The following SMG7 variants were observed in gnomAD, a reference collection of about 807,000 sequenced individuals.
The protein encoded by SMG7 is nonsense-mediated mRNA decay factor SMG7.
Under a neutral mutation model 148.2 loss-of-function variants are expected in SMG7, and 34 were observed. That is an observed-to-expected ratio of 0.23 (90% CI 0.17 to 0.31). SMG7 has a LOEUF of 0.31. Among genes scored for constraint, SMG7 ranks in the 10% least tolerant of loss-of-function variants. The pLI is 1.00. For synonymous variants in SMG7, 492 were observed against 515.1 expected (o/e 0.96, Z 0.61); for missense variants, 1,114 against 1,408.4 (o/e 0.79, Z 3.35).
chr1:183,475,654 T>G (rs1651977577), intron 1 of SMG7, among the ~76,000 whole-genome samples: 1 of 152,222 alleles, frequency 6.6e-6, no homozygotes, highest in African/African-American at 2.4e-5. Context: ...TTACAAAAGA[T>G]TCCCTTTGGG....
chr1:183,526,726 C>CT lies in SMG7; in HGVS notation c.443_444insT (p.Tyr149LeufsTer28). 1 of 1,613,606 alleles carries CT rather than the reference C, an allele frequency of 6.2e-7. No individual in the cohort carries two copies. Among genetic ancestry groups the CT allele is most frequent in the Non-Finnish European group, 8.5e-7 (1 of 1,179,710 alleles). ...GTGAAGCCACAGTCTAGCTCCTGTT[C>CT]CTATATCTGCCAGCACTGCCTCGTC... On this transcript the variant is annotated frameshift_variant, in exon 5 of 23. Coordinates refer to ENST00000688051, the MANE Select transcript of SMG7 (RefSeq NM_001375584.1). LOFTEE classifies it high-confidence loss of function.
chr1:183,553,472 T>C lies in SMG7; in HGVS notation c.*1541T>C, dbSNP rs1424916548. 4.1e-5 allele frequency: 16 copies of C among 393,308 alleles called. 1 individual carries two copies. The South Asian group carries it at 4.3e-4, about 11-fold the overall frequency. 24.4% of individuals were successfully genotyped at this position (393,308 alleles called of 1,614,324 possible). A position where few individuals can be genotyped will look rare whatever the true frequency, so the allele number is the denominator to read the frequency against. ...TGTGTGTGCGAGTGTATGGAGTTAG[T>C]GTGGAACTTAAGAGCTGGAAGACAG... On this transcript the variant is annotated 3_prime_UTR_variant, in exon 23 of 23. Transcript: ENST00000688051.
Position 183,553,081 on chromosome 1 carries a change from CT to C in SMG7, c.*1151del. On this transcript the variant is annotated 3_prime_UTR_variant, in exon 23 of 23. Coordinates refer to ENST00000688051, the MANE Select transcript of SMG7 (RefSeq NM_001375584.1). Reference sequence around the variant, plus strand: ...ACAGAGGGCCCAGGCCCCTGCCCAGCTGCAGTCTCCCAGCCTCCACTTTCAG... The same window carrying C: ...ACAGAGGGCCCAGGCCCCTGCCCAGCGCAGTCTCCCAGCCTCCACTTTCAG... 13 of 1,536,250 alleles carry C rather than the reference CT, an allele frequency of 8.5e-6. No individual in the cohort carries two copies. The highest frequency in any genetic ancestry group is 1.1e-5 in the Non-Finnish European group (13 of 1,146,934).
In SMG7 at chr1:183,552,940, T is replaced by G; in HGVS notation, c.*1009T>G. The G allele has an allele frequency of 6.5e-7, 1 of 1,527,050 alleles. No individual in the cohort carries two copies. Among genetic ancestry groups the G allele is most frequent in the Non-Finnish European group, 8.8e-7 (1 of 1,140,102 alleles). 94.6% of individuals were successfully genotyped at this position (1,527,050 alleles called of 1,614,324 possible). On this transcript the variant is annotated 3_prime_UTR_variant, in exon 23 of 23. Coordinates refer to ENST00000688051, the MANE Select transcript of SMG7 (RefSeq NM_001375584.1). ...CCAATGCTGTATGCTAGTAATTGTT[T>G]TTATTCCTAATGTGTGCAACATCAC...
chr1:183,477,199 C>T (rs112278369), intron 1 of SMG7, among the ~76,000 whole-genome samples: 3 of 152,124 alleles, frequency 2.0e-5, no homozygotes, highest in East Asian at 1.9e-4. Context: ...CAGGTGCCAC[C>T]GAATGACTTC....
intron 2 of SMG7, 30 bp from the exon 3 acceptor site, chr1:183,515,844 T>TA: frequency 1.4e-6 from 2 of 1,408,024 alleles, no homozygotes; most frequent in African/African-American, 2.8e-5. Flanking sequence ...TTTATCTATC[T>TA]ACCGTTATGT....
rs1207298733 is a variant in SMG7, at chr1:183,542,159, C to A, written c.1499C>A (p.Ala500Asp). Residue 500 changes from alanine to aspartate, a missense_variant, in exon 14 of 23, where the codon GCC (alanine) becomes GAC (aspartate). By Grantham distance (126) the Ala-to-Asp change is moderately radical. This residue lies in a region of SMG7 where 788 missense variants were observed against 894.5 expected (regional missense o/e 0.88). Coordinates refer to ENST00000688051, the MANE Select transcript of SMG7 (RefSeq NM_001375584.1). The stretch of plus-strand genomic sequence containing the variant: ...TTAATACTGGAAGACCCCAGTGAAG[C>A]CAAAGAGAACCTCATTCTGCAAGAA... ...PELILEDPSEAKENLILQETS... is the reference protein window; with the variant it reads ...PELILEDPSEDKENLILQETS... The A allele has an allele frequency of 1.9e-6, 3 of 1,613,832 alleles. No individual in the cohort carries two copies. The African/African-American group carries it at 4.0e-5, about 22-fold the overall frequency.
intron 2 of SMG7, among the ~76,000 whole-genome samples, chr1:183,513,570 C>T (rs1329957745): frequency 6.6e-6 from 1 of 152,018 alleles, no homozygotes; most frequent in Non-Finnish European, 1.5e-5. Flanking sequence ...TGGGGATTCA[C>T]CATGTTGGTC....
rs76726542 is a variant in SMG7 at position 183,548,681 on chromosome 1, C to T, written c.2893-527C>T. ...GATTCAGCTTTGTTTCTCCTAATAACTTTGCTAGGGCCAATAAATGTAAGC... is the reference window on the plus strand; with the variant it reads ...GATTCAGCTTTGTTTCTCCTAATAATTTTGCTAGGGCCAATAAATGTAAGC... On this transcript the variant is annotated intron_variant, in intron 18 of 22. Coordinates refer to ENST00000688051, the MANE Select transcript of SMG7 (RefSeq NM_001375584.1). Among the ~76,000 whole-genome samples the T allele has an allele frequency of 1.5e-4, 23 of 152,280 alleles. No homozygotes were observed. In the East Asian group the frequency reaches 4.2e-3, roughly 28 times the overall value.
At chr1:183,542,925 ATATGTGTGTGTG>A (rs1398488782) in intron 14 of SMG7, among the ~76,000 whole-genome samples, 102 of 141,644 alleles carry the variant, frequency 7.2e-4, no homozygotes, top group East Asian at 1.2e-3. Flanking sequence ...TAATATATAT[ATATGTGTGTGTG>A]TGTGTGTGTG....
In SMG7 at chr1:183,533,752, T is replaced by G; in HGVS notation, c.1083T>G (p.Leu361=). Residue 361 remains leucine, a synonymous_variant, in exon 10 of 23, where the codon CTT becomes CTG. Transcript: ENST00000688051. Reference sequence around the variant, plus strand: ...AGGAGTCCTACAATGCCTATCCTCTTCCAGCAGTCAAGGTCTCCATGGACT... The same window carrying G: ...AGGAGTCCTACAATGCCTATCCTCTGCCAGCAGTCAAGGTCTCCATGGACT... ...SQEESYNAYP[L]PAVKVSMDWL... 6.2e-7 allele frequency: 1 copy of G among 1,613,744 alleles called. No homozygotes were observed. The highest frequency in any genetic ancestry group is 1.3e-5 in the African/African-American group (1 of 75,014).
Position 183,490,825 on chromosome 1 carries a change from G to A in SMG7, c.29+18176G>A, listed in dbSNP as rs76969805. ...ATTTGAGATGGAGTCTCACTCTGTC[G>A]CCCAGGTTGGAGTGCAGTGGCACAA... On this transcript the variant is annotated intron_variant, in intron 1 of 22. Transcript: ENST00000688051. Among the ~76,000 whole-genome samples the A allele has an allele frequency of 2.8e-3, 423 of 152,148 alleles. 3 individuals carry two copies. Among genetic ancestry groups the A allele is most frequent in the Admixed American group, 0.018 (275 of 15,284 alleles).
intron 2 of SMG7, 47 bp downstream of exon 2, chr1:183,512,915 A>G: frequency 3.3e-6 from 5 of 1,506,276 alleles, no homozygotes; most frequent in Non-Finnish European, 4.5e-6. Context: ...TATATATTAA[A>G]TTAATGGAAG....
intron 1 of SMG7, among the ~76,000 whole-genome samples, chr1:183,509,228 T>G (rs1450648635): frequency 6.6e-6 from 1 of 152,166 alleles, no homozygotes; most frequent in Non-Finnish European, 1.5e-5. Context: ...GGCATTCGAG[T>G]ATAAAATTTA....
intron 9 of SMG7, 27 bp downstream of exon 9, chr1:183,533,353 C>T (rs1217346389): frequency 6.3e-7 from 1 of 1,596,054 alleles, no homozygotes; most frequent in Non-Finnish European, 8.5e-7. Context: ...TTAACATGTG[C>T]CATCTTTTTT....
At chr1:183,512,542 C>A (rs998324878) in intron 1 of SMG7, among the ~76,000 whole-genome samples, 5 of 152,168 alleles carry the variant, frequency 3.3e-5, no homozygotes, top group African/African-American at 9.6e-5. Flanking sequence ...TTAATATTAT[C>A]TTAAGTAAAT....
chr1:183,521,871 A>AG, intron 4 of SMG7, among the ~76,000 whole-genome samples: 1 of 151,906 alleles, frequency 6.6e-6, no homozygotes, highest in Admixed American at 6.6e-5. Flanking sequence ...AAAAAAAAAA[A>AG]AAAGAAGGAG....
intron 1 of SMG7, among the ~76,000 whole-genome samples, chr1:183,473,415 A>AGT (rs138286148): frequency 1.1e-4 from 16 of 151,270 alleles, no homozygotes; most frequent in East Asian, 2.0e-4. Flanking sequence ...ACATGGGAAT[A>AGT]GTGTGTGTGT....
At chr1:183,495,193 G>A (rs2702201) in intron 1 of SMG7, among the ~76,000 whole-genome samples, 150,023 of 152,156 alleles carry the variant, frequency 0.99, 73,997 homozygotes, top group East Asian at 1. Context: ...TTGTTTTTCA[G>A]CGATTTGATT....
Sources: gnomAD v4.1 joint callset for allele counts (sites outside exome capture counted in the v4.1 genomes callset) on GRCh38, gnomAD v4.1.1 for gene constraint, gnomAD v4.1.1 regional missense constraint, MANE v1.5 for transcripts, NCBI Gene and HGNC (gene_info 2026-07-23, HGNC 2026-07-21) for gene names.